Variants in SPTBN1 observed in about 807,000 individuals in gnomAD.
SPTBN1 encodes spectrin beta chain, non-erythrocytic 1.
A neutral mutation model predicts 266.4 loss-of-function variants in SPTBN1; 32 were observed. That is an observed-to-expected ratio of 0.12 (90% CI 0.09 to 0.16). SPTBN1 has a LOEUF of 0.16. SPTBN1 is among the 10% of genes least tolerant of loss of function. The pLI, the probability that SPTBN1 is intolerant of heterozygous loss-of-function variation, is 1.00. For missense variants in SPTBN1, 2,296 were observed against 3,067.1 expected (o/e 0.75, Z 5.94); for synonymous variants, 1,336 against 1,162.2 (o/e 1.15, Z -3.04).
chr2:54,522,697 G>GAGAGAGAGAGAGAAAGAGAAAGAAAGAA lies in SPTBN1; in HGVS notation c.-47-3672_-47-3671insGAGAGAGAGAAAGAGAAAGAAAGAAAGA, dbSNP rs1553439438. ...GAGAGAGGAGAGAGAGAGAGAGAGA[G>GAGAGAGAGAGAGAAAGAGAAAGAAAGAA]AGAAAGAAAGAAAGGAAAGAAAGAA... is the stretch of plus-strand genomic sequence containing the variant. On this transcript the variant is annotated intron_variant, in intron 1 of 35. Coordinates refer to ENST00000356805, the MANE Select transcript of SPTBN1 (RefSeq NM_003128.3). 3.0e-3 allele frequency among the ~76,000 whole-genome samples: 287 copies of GAGAGAGAGAGAGAAAGAGAAAGAAAGAA among 97,224 alleles called. 4 individuals are homozygous for GAGAGAGAGAGAGAAAGAGAAAGAAAGAA. The highest frequency in any genetic ancestry group is 0.011 in the African/African-American group (259 of 24,100). The allele number at this position is 97,224 out of a possible 152,430, so 63.8% of individuals were successfully genotyped here.
chr2:54,617,059 A>T (rs939689892), intron 5 of SPTBN1, among the ~76,000 whole-genome samples: 2 of 152,248 alleles, frequency 1.3e-5, no homozygotes, highest in Admixed American at 1.3e-4. Context: ...ATATAAAGTT[A>T]TTAATAGTCA....
intron 1 of SPTBN1, among the ~76,000 whole-genome samples, chr2:54,483,129 A>C (rs1573239845): frequency 6.6e-6 from 1 of 152,316 alleles, no homozygotes; most frequent in East Asian, 1.9e-4. Flanking sequence ...ATTGGGGTTA[A>C]ACTAGGTGAG....
intron 9 of SPTBN1, 105 bp from the exon 10 acceptor site, chr2:54,623,374 T>C (rs1417319936): frequency 2.0e-5 from 19 of 957,098 alleles, no homozygotes; most frequent in Non-Finnish European, 3.0e-5. Flanking sequence ...CTCTTTGACA[T>C]GCATTTCATG....
intron 2 of SPTBN1, among the ~76,000 whole-genome samples, chr2:54,559,107 C>G (rs1390416222): frequency 6.6e-6 from 1 of 152,206 alleles, no homozygotes; most frequent in Non-Finnish European, 1.5e-5. Context: ...ACCTTTTTGG[C>G]TTTCTAGGTT....
intron 2 of SPTBN1, among the ~76,000 whole-genome samples, chr2:54,535,463 A>T (rs556135767): frequency 6.6e-6 from 1 of 152,194 alleles, no homozygotes; most frequent in Non-Finnish European, 1.5e-5. Flanking sequence ...GGATTTGCCT[A>T]TTCTGGACAT....
At chr2:54,543,288 G>C (rs1024737801) in intron 2 of SPTBN1, among the ~76,000 whole-genome samples, 1 of 152,152 alleles carries the variant, frequency 6.6e-6, no homozygotes, top group African/African-American at 2.4e-5. Context: ...TCCTAGCTCG[G>C]TGTCTGCACA....
intron 2 of SPTBN1, among the ~76,000 whole-genome samples, chr2:54,573,102 G>C (rs974393164): frequency 1.3e-5 from 2 of 152,188 alleles, no homozygotes; most frequent in Non-Finnish European, 2.9e-5. Flanking sequence ...GCTCATAGTT[G>C]TCTGCAGATG....
chr2:54,514,930 T>G (rs974108827), intron 1 of SPTBN1, among the ~76,000 whole-genome samples: 2 of 152,228 alleles, frequency 1.3e-5, no homozygotes, highest in African/African-American at 4.8e-5. Flanking sequence ...GGGACTAGAT[T>G]GCTTTTGTAG....
chr2:54,523,250 A>G (rs1035952951), intron 1 of SPTBN1, among the ~76,000 whole-genome samples: 8 of 152,232 alleles, frequency 5.3e-5, no homozygotes, highest in South Asian at 2.1e-4. Flanking sequence ...AATCCCATAA[A>G]TAAATTGCTA....
At chr2:54,596,235 G>A (rs1199832142) in intron 2 of SPTBN1, among the ~76,000 whole-genome samples, 1 of 152,194 alleles carries the variant, frequency 6.6e-6, no homozygotes, top group Non-Finnish European at 1.5e-5. Context: ...AAGCCTTGCT[G>A]GGTGGGGAGT....
chr2:54,530,738 T>A (rs947222074), intron 2 of SPTBN1, among the ~76,000 whole-genome samples: 1 of 152,230 alleles, frequency 6.6e-6, no homozygotes, highest in African/African-American at 2.4e-5. Flanking sequence ...TTCAATGCAG[T>A]ATAATAAGAA....
rs1277875908 is a variant in SPTBN1, at chr2:54,554,301, C to G, written c.148+27735C>G. 6.6e-6 allele frequency among the ~76,000 whole-genome samples: 1 copy of G among 152,190 alleles called. No homozygotes were observed. The highest frequency in any genetic ancestry group is 1.5e-5 in the Non-Finnish European group (1 of 68,038). On this transcript the variant is annotated intron_variant, in intron 2 of 35. Transcript: ENST00000356805. This position sits in a 1 kb window ranked among gnomAD's most constrained non-coding sequence, Gnocchi z 4.5. ...GGGTCCATGTGTTGGTTGTGCCACT[C>G]ACCAGCTGGGGCCCTGGGCAAGGCA...
chr2:54,639,678 T>C (rs1558457779), intron 18 of SPTBN1, among the ~76,000 whole-genome samples: 1 of 152,148 alleles, frequency 6.6e-6, no homozygotes, highest in Admixed American at 6.5e-5. Flanking sequence ...TCACAGGAAA[T>C]GGTCAGTCTT....
At chr2:54,570,326 C>A (rs1573437779) in intron 2 of SPTBN1, among the ~76,000 whole-genome samples, 1 of 152,118 alleles carries the variant, frequency 6.6e-6, no homozygotes, top group South Asian at 2.1e-4. Context: ...CACAGGCTGG[C>A]CTATATTTGG....
intron 29 of SPTBN1, among the ~76,000 whole-genome samples, chr2:54,656,362 T>A (rs1312633921): frequency 6.6e-6 from 1 of 152,262 alleles, no homozygotes; most frequent in Non-Finnish European, 1.5e-5. Context: ...TTTGGTGCTC[T>A]TAGTGGAATG....
At chr2:54,495,679 T>TTTTTTTTTTTTTTTTTTTTTTTTTACTC (rs1279259203) in intron 1 of SPTBN1, among the ~76,000 whole-genome samples, 38 of 142,950 alleles carry the variant, frequency 2.7e-4, no homozygotes, top group Middle Eastern at 3.2e-3. Flanking sequence ...GCATGTGTTT[T>TTTTTTTTTTTTTTTTTTTTTTTTTACTC]TACCTTTATT....
intron 2 of SPTBN1, among the ~76,000 whole-genome samples, chr2:54,550,631 T>C (rs946088888): frequency 6.6e-6 from 1 of 152,262 alleles, no homozygotes. Context: ...CCTGCTCTGA[T>C]ATTTTCTCAG....
intron 1 of SPTBN1, among the ~76,000 whole-genome samples, chr2:54,506,549 A>C (rs1304022886): frequency 6.6e-6 from 1 of 152,054 alleles, no homozygotes; most frequent in African/African-American, 2.4e-5. Context: ...AGGAATTGGT[A>C]GGGAAAGTGC....
At chr2:54,631,763 G>C (rs1678748637) in intron 16 of SPTBN1, 152 bp downstream of exon 16, 1 of 1,075,690 alleles carries the variant, frequency 9.3e-7, no homozygotes, top group South Asian at 1.7e-5. Flanking sequence ...ATACTCTTAA[G>C]GCATTGAAAT....
Sources: gnomAD v4.1 joint callset for allele counts (sites outside exome capture counted in the v4.1 genomes callset) on GRCh38, gnomAD v4.1.1 for gene constraint, Gnocchi (gnomAD v3.1) non-coding constraint, MANE v1.5 for transcripts, NCBI Gene and HGNC (gene_info 2026-07-23, HGNC 2026-07-21) for gene names.